Variants in ABL1 observed in about 807,000 individuals in gnomAD.
The protein encoded by ABL1 is tyrosine-protein kinase ABL1.
A neutral mutation model predicts 94.7 loss-of-function variants in ABL1; 11 were observed. The observed-to-expected ratio is 0.12, with a 90% CI of 0.07 to 0.19. ABL1 has a LOEUF of 0.19. Among genes scored for constraint, ABL1 ranks in the 10% least tolerant of loss-of-function variants. The pLI is 1.00. For synonymous variants in ABL1, 656 were observed against 622.4 expected (o/e 1.05, Z -0.80); for missense variants, 1,082 against 1,489.4 (o/e 0.73, Z 4.50).
rs545773633 is a variant in ABL1, at chr9:130,713,753, C to G, written c.-567C>G. On this transcript the variant is annotated 5_prime_UTR_variant, in exon 1 of 11. Coordinates refer to the ABL1 transcript ENST00000372348. The stretch of plus-strand genomic sequence containing the variant: ...TTGCTGGCAATGCATTCCTTTTCGT[C>G]AGAGTCGAGGGCAAACTCGCTGAAA... Among the ~76,000 whole-genome samples the G allele has an allele frequency of 2.0e-5, 3 of 152,324 alleles. No homozygotes were observed. In the South Asian group the frequency reaches 6.2e-4, roughly 32 times the overall value.
chr9:130,818,948 G>A (rs61613125), intron 1 of ABL1, among the ~76,000 whole-genome samples: 5,389 of 152,270 alleles, frequency 0.035, 303 homozygotes, highest in African/African-American at 0.12. Flanking sequence ...CCCTGTAGCT[G>A]TTGTGCGTAT....
At chr9:130,869,268 C>T (rs921882594) in intron 4 of ABL1, among the ~76,000 whole-genome samples, 1 of 152,150 alleles carries the variant, frequency 6.6e-6, no homozygotes, top group Non-Finnish European at 1.5e-5. Context: ...CCTTTGTTTT[C>T]TACAAGCTAT....
chr9:130,826,282 A>G (rs1271364431), intron 1 of ABL1, among the ~76,000 whole-genome samples: 1 of 151,764 alleles, frequency 6.6e-6, no homozygotes, highest in Non-Finnish European at 1.5e-5. Flanking sequence ...CACCACGCCC[A>G]GCAAATTTTT....
chr9:130,805,814 G>T (rs182835823), intron 1 of ABL1, among the ~76,000 whole-genome samples: 1 of 152,178 alleles, frequency 6.6e-6, no homozygotes, highest in South Asian at 2.1e-4. Flanking sequence ...GGGGATGAAG[G>T]GGGAAGCCCT....
chr9:130,808,242 TTCTTC>T (rs941217517), intron 1 of ABL1, among the ~76,000 whole-genome samples: 9,641 of 137,632 alleles, frequency 0.07, 396 homozygotes, highest in African/African-American at 0.12. Context: ...CTTCTTCTTC[TTCTTC>T]TTTTTTTTTT....
Position 130,863,021 on chromosome 9 carries a change from G to A in ABL1, c.808G>A (p.Val270Met), listed in dbSNP as rs587778017. Residue 270 changes from valine (V) to methionine (M), a missense_variant, in exon 4 of 11, where the codon GTG (valine) becomes ATG (methionine). This residue lies in a region of ABL1 where 92 missense variants were observed against 212.3 expected (regional missense o/e 0.43). Coordinates refer to ENST00000318560, the MANE Select transcript of ABL1 (RefSeq NM_005157.6). This position sits in a 1 kb window ranked among gnomAD's most constrained non-coding sequence, Gnocchi z 4.3. Reference sequence around the variant, plus strand: ...GAAGAAATACAGCCTGACGGTGGCCGTGAAGACCTTGAAGGTAGGCTGGGA... The same window carrying A: ...GAAGAAATACAGCCTGACGGTGGCCATGAAGACCTTGAAGGTAGGCTGGGA... ...VWKKYSLTVA[V>M]KTLKEDTMEV... 1 of 1,604,956 alleles carries A rather than the reference G, an allele frequency of 6.2e-7. No homozygotes were observed. The highest frequency in any genetic ancestry group is 8.5e-7 in the Non-Finnish European group (1 of 1,173,698).
chr9:130,791,701 G>C (rs995052492), intron 1 of ABL1, among the ~76,000 whole-genome samples: 7 of 152,166 alleles, frequency 4.6e-5, no homozygotes, highest in African/African-American at 1.7e-4. Context: ...ACTTGTACCA[G>C]TGGCTTGCCA....
At chr9:130,827,434 T>G (rs1216133532) in intron 1 of ABL1, among the ~76,000 whole-genome samples, 1 of 152,204 alleles carries the variant, frequency 6.6e-6, no homozygotes, top group Non-Finnish European at 1.5e-5. Flanking sequence ...AAACTAACAG[T>G]CATCTTTTAG....
At chr9:130,728,723 T>C (rs1019322521) in intron 1 of ABL1, among the ~76,000 whole-genome samples, 10 of 151,790 alleles carry the variant, frequency 6.6e-5, no homozygotes, top group African/African-American at 2.4e-4. Context: ...ATTTTTCTGC[T>C]GAGATTCACC....
intron 1 of ABL1, among the ~76,000 whole-genome samples, chr9:130,808,443 C>T (rs1420928472): frequency 6.6e-6 from 1 of 151,924 alleles, no homozygotes; most frequent in Non-Finnish European, 1.5e-5. Flanking sequence ...GGGGTTTCAC[C>T]GTGTTGGCCA....
rs1429036120 is a variant in ABL1 at position 130,887,342 on chromosome 9, C to G, written c.*1659C>G. 2 of 233,380 alleles carry G rather than the reference C, an allele frequency of 8.6e-6. No individual in the cohort carries two copies. The highest frequency in any genetic ancestry group is 1.7e-5 in the Non-Finnish European group (2 of 118,068). 14.5% of individuals were successfully genotyped at this position (233,380 alleles called of 1,614,324 possible). ...GCTGTGACGCAGCCGGAGGGAGGCA[C>G]TAGTCACCGACAGCGGCCTTGAAGA... is the stretch of plus-strand genomic sequence containing the variant. On this transcript the variant is annotated 3_prime_UTR_variant, in exon 11 of 11. Transcript: ENST00000318560.
intron 6 of ABL1, among the ~76,000 whole-genome samples, chr9:130,873,499 A>AGT (rs1163302941): frequency 6.6e-5 from 10 of 152,056 alleles, no homozygotes. Flanking sequence ...TTTGTTTTTT[A>AGT]GTGTGTGTGT....
Position 130,756,456 on chromosome 9 carries a change from C to T in ABL1, c.136+42001C>T, listed in dbSNP as rs191139628. 4.9e-4 allele frequency among the ~76,000 whole-genome samples: 75 copies of T among 151,962 alleles called. 1 individual carries two copies. The highest frequency in any genetic ancestry group is 3.5e-3 in the South Asian group (17 of 4,804). ...GTCACTTAATTCTTAACTTTTACAA[C>T]ATTTTGAGTCTAAATACAGCAAAAT... On this transcript the variant is annotated intron_variant, in intron 1 of 10. Transcript: ENST00000372348.
At chr9:130,721,422 A>G (rs1387206643) in intron 1 of ABL1, among the ~76,000 whole-genome samples, 1 of 150,594 alleles carries the variant, frequency 6.6e-6, no homozygotes, top group Non-Finnish European at 1.5e-5. Flanking sequence ...TTAAAATTAT[A>G]CTAAGGCCAG....
intron 6 of ABL1, among the ~76,000 whole-genome samples, chr9:130,873,268 G>A (rs1035733391): frequency 1.3e-5 from 2 of 152,236 alleles, no homozygotes; most frequent in African/African-American, 2.4e-5. Context: ...CAGTGGAGCA[G>A]CTAATCCCCG....
At chr9:130,726,147 G>A (rs963945336) in intron 1 of ABL1, among the ~76,000 whole-genome samples, 6 of 151,804 alleles carry the variant, frequency 4.0e-5, no homozygotes, top group Non-Finnish European at 7.4e-5. Flanking sequence ...TCCCTTGCGC[G>A]ACCTGATATT....
intron 1 of ABL1, among the ~76,000 whole-genome samples, chr9:130,852,392 G>A (rs1012698768): frequency 6.6e-5 from 10 of 151,918 alleles, no homozygotes; most frequent in African/African-American, 9.7e-5. Context: ...TAGTAGTGAC[G>A]GGGTTTCACC....
intron 1 of ABL1, among the ~76,000 whole-genome samples, chr9:130,738,139 A>T (rs1159657516): frequency 2.0e-5 from 3 of 152,138 alleles, no homozygotes; most frequent in Non-Finnish European, 4.4e-5. Flanking sequence ...TTTCTTGAGG[A>T]ATGGTGGTCT....
At chr9:130,753,369 G>A (rs1362018734) in intron 1 of ABL1, among the ~76,000 whole-genome samples, 2 of 151,184 alleles carry the variant, frequency 1.3e-5, no homozygotes, top group African/African-American at 4.9e-5. Flanking sequence ...TATCACAGTG[G>A]TGTTTACTGT....
Sources: gnomAD v4.1 joint callset for allele counts (sites outside exome capture counted in the v4.1 genomes callset) on GRCh38, gnomAD v4.1.1 for gene constraint, gnomAD v4.1.1 regional missense constraint, Gnocchi (gnomAD v3.1) non-coding constraint, MANE v1.5 for transcripts, NCBI Gene and HGNC (gene_info 2026-07-23, HGNC 2026-07-21) for gene names.